The following DNAH7 variants were observed in gnomAD, a reference collection of about 807,000 sequenced individuals.
The protein encoded by DNAH7 is axonemal beta dynein heavy chain 7.
A neutral mutation model predicts 444.6 loss-of-function variants in DNAH7; 397 were observed. That is an observed-to-expected ratio of 0.89 (90% CI 0.82 to 0.97). The LOEUF is 0.97. Ranked by LOEUF, DNAH7 falls within the 50% of genes least tolerant of loss-of-function variation. The pLI is 0.00. For synonymous variants in DNAH7, 1,636 were observed against 1,624.4 expected (o/e 1.01, Z -0.17); for missense variants, 4,902 against 4,800.8 (o/e 1.02, Z -0.62).
rs1695661329 is a variant in DNAH7, at chr2:195,787,175, TA to T, written c.10717-5del. 1.3e-6 allele frequency: 2 copies of T among 1,588,954 alleles called. No individual in the cohort carries two copies. The highest frequency in any genetic ancestry group is 2.7e-5 in the African/African-American group (2 of 73,244). ...AAAGCAATTTCTTGAATTCCTCCTGTAATGAGAAGAAATGATGCCGCATCAT... is the reference window on the plus strand; with the variant it reads ...AAAGCAATTTCTTGAATTCCTCCTGTATGAGAAGAAATGATGCCGCATCAT... On this transcript the variant is annotated splice_region_variant and splice_polypyrimidine_tract_variant and intron_variant, in intron 57 of 64. Transcript: ENST00000312428.
At chr2:195,974,744 T>C (rs1692068746) in intron 15 of DNAH7, among the ~76,000 whole-genome samples, 1 of 134,048 alleles carries the variant, frequency 7.5e-6, no homozygotes, top group South Asian at 2.5e-4. Flanking sequence ...TATAGGCATG[T>C]ATGTATATTT....
chr2:195,813,075 T>C (rs1697046071), intron 51 of DNAH7, among the ~76,000 whole-genome samples: 1 of 152,138 alleles, frequency 6.6e-6, no homozygotes, highest in African/African-American at 2.4e-5. Flanking sequence ...TTCCTGGATA[T>C]ACACCCACCA....
intron 49 of DNAH7, among the ~76,000 whole-genome samples, chr2:195,819,632 A>T (rs994575564): frequency 1.3e-5 from 2 of 152,164 alleles, no homozygotes; most frequent in Non-Finnish European, 2.9e-5. Flanking sequence ...AAGAACATAC[A>T]TTGGGATAAG....
At chr2:195,900,791 A>G in intron 27 of DNAH7, 1 of 221,082 alleles carries the variant, frequency 4.5e-6, no homozygotes, top group Non-Finnish European at 9.1e-6. Context: ...AATAGCTAAA[A>G]GAGAAGAATT....
At chr2:195,926,183 T>C (rs998280952) in intron 22 of DNAH7, among the ~76,000 whole-genome samples, 2 of 152,130 alleles carry the variant, frequency 1.3e-5, no homozygotes, top group African/African-American at 2.4e-5. Context: ...GGTTCAAGTA[T>C]CATTGACTTT....
At chr2:196,055,162 C>A (rs1697727084) in intron 2 of DNAH7, among the ~76,000 whole-genome samples, 1 of 152,086 alleles carries the variant, frequency 6.6e-6, no homozygotes, top group Non-Finnish European at 1.5e-5. Flanking sequence ...TCAAGACCAG[C>A]CTGGGCAACA....
intron 4 of DNAH7, 149 bp from the exon 5 acceptor site, chr2:196,047,648 CAGG>C (rs148105513): frequency 0.017 from 9,257 of 530,158 alleles, 338 homozygotes; most frequent in African/African-American, 0.097. Context: ...TTTTTACTAT[CAGG>C]AGGTTAAACT....
At chr2:195,880,934 T>C (rs1028503958) in intron 36 of DNAH7, among the ~76,000 whole-genome samples, 2 of 151,960 alleles carry the variant, frequency 1.3e-5, no homozygotes, top group African/African-American at 4.8e-5. Context: ...ATGTTATGTC[T>C]CCATTCCCTG....
chr2:195,840,378 A>C (rs6434803), intron 47 of DNAH7, among the ~76,000 whole-genome samples: 108,105 of 151,442 alleles, frequency 0.71, 38,844 homozygotes, highest in African/African-American at 0.77. Flanking sequence ...AAAGGAGGTA[A>C]AAAAACCTAC....
chr2:195,855,802 A>G lies in DNAH7; in HGVS notation c.8595+9T>C, dbSNP rs1213306568. 2.5e-6 allele frequency: 4 copies of G among 1,610,856 alleles called. No individual in the cohort carries two copies. In the East Asian group the frequency reaches 8.9e-5, roughly 36 times the overall value. On this transcript the variant is annotated intron_variant, in intron 45 of 64. Transcript: ENST00000312428. ...GAATTTGTCCATCTTTTTCTATATC[A>G]GCACACACCTGGTTTTCCAGGTCAG...
intron 46 of DNAH7, 45 bp downstream of exon 46, chr2:195,853,298 T>C (rs777192607): frequency 1.3e-6 from 2 of 1,548,406 alleles, no homozygotes; most frequent in Non-Finnish European, 1.8e-6. Flanking sequence ...TTATATTGGC[T>C]GTGATGGGCA....
chr2:196,029,036 T>C (rs1283324793), intron 5 of DNAH7, among the ~76,000 whole-genome samples: 1 of 152,222 alleles, frequency 6.6e-6, no homozygotes, highest in East Asian at 1.9e-4. Context: ...TAGTGATCAA[T>C]AAATGTTTGT....
intron 15 of DNAH7, among the ~76,000 whole-genome samples, chr2:195,977,389 G>A (rs1324909858): frequency 1.3e-5 from 2 of 152,060 alleles, no homozygotes; most frequent in South Asian, 4.1e-4. Context: ...TAATAGCAGA[G>A]TTTATCAAAA....
At chr2:195,890,184 A>C (rs1464761512) in intron 31 of DNAH7, among the ~76,000 whole-genome samples, 3 of 152,302 alleles carry the variant, frequency 2.0e-5, no homozygotes, top group South Asian at 4.1e-4. Flanking sequence ...CTCAGGCTCA[A>C]GCCACCCCAC....
intron 60 of DNAH7, among the ~76,000 whole-genome samples, chr2:195,773,715 ATTTTCAGAGACATCAGAAAGTTTAACC>A (rs1362280534): frequency 3.9e-5 from 6 of 152,154 alleles, no homozygotes; most frequent in Non-Finnish European, 5.9e-5. Flanking sequence ...AGTGGAATTC[ATTTTCAGAGACATCAGAAAGTTTAACC>A]TTTTCAGAGA....
intron 48 of DNAH7, among the ~76,000 whole-genome samples, chr2:195,831,251 T>C (rs1474218): frequency 0.094 from 14,374 of 152,296 alleles, 762 homozygotes; most frequent in African/African-American, 0.14. Flanking sequence ...TTCTAGAACA[T>C]TGGCTTTCAA....
chr2:195,797,516 T>C (rs1018804543), intron 55 of DNAH7, among the ~76,000 whole-genome samples: 1 of 152,156 alleles, frequency 6.6e-6, no homozygotes, highest in Non-Finnish European at 1.5e-5. Flanking sequence ...AGAATAATCA[T>C]ATGTACAGTG....
chr2:196,052,688 T>G (rs759297084), intron 2 of DNAH7, among the ~76,000 whole-genome samples: 4 of 152,242 alleles, frequency 2.6e-5, no homozygotes, highest in Non-Finnish European at 5.9e-5. Flanking sequence ...GACCATGTGC[T>G]TCCATCTAGG....
At chr2:195,937,235 A>G (rs1262766933) in intron 19 of DNAH7, among the ~76,000 whole-genome samples, 1 of 152,188 alleles carries the variant, frequency 6.6e-6, no homozygotes, top group Admixed American at 6.5e-5. Context: ...TCCCTGTTTT[A>G]TAACTACAGA....
Sources: gnomAD v4.1 joint callset for allele counts (sites outside exome capture counted in the v4.1 genomes callset) on GRCh38, gnomAD v4.1.1 for gene constraint, MANE v1.5 for transcripts, NCBI Gene and HGNC (gene_info 2026-07-23, HGNC 2026-07-21) for gene names.